Variants in ITGAV observed in about 807,000 individuals in gnomAD.
ITGAV encodes the protein integrin subunit alpha V, also known as integrin alpha-V.
ITGAV carries 76 observed loss-of-function variants against 143.8 expected under a neutral mutation model. That is an observed-to-expected ratio of 0.53 (90% CI 0.44 to 0.64). The LOEUF (loss-of-function observed/expected upper bound fraction) is 0.64. Ranked by LOEUF, ITGAV falls within the 30% of genes least tolerant of loss-of-function variation. The probability of loss-of-function intolerance (pLI) is 0.00; values close to 1 mark genes in which losing one functional copy is unlikely to be tolerated. For synonymous variants in ITGAV, 453 were observed against 446.7 expected (o/e 1.01, Z -0.18); for missense variants, 1,193 against 1,274.7 (o/e 0.94, Z 0.98).
At chr2:186,614,806 T>C (rs1032058934) in intron 2 of ITGAV, among the ~76,000 whole-genome samples, 1 of 152,050 alleles carries the variant, frequency 6.6e-6, no homozygotes, top group African/African-American at 2.4e-5. Context: ...TTCTGTTCAA[T>C]GCTACAGCTA....
chr2:186,617,571 C>G (rs111743790), intron 2 of ITGAV, among the ~76,000 whole-genome samples: 3,936 of 152,234 alleles, frequency 0.026, 183 homozygotes, highest in African/African-American at 0.09. Context: ...TCAAGTTTCT[C>G]TAGCAAAGTT....
At chr2:186,608,802 T>C (rs1687137082) in intron 2 of ITGAV, among the ~76,000 whole-genome samples, 1 of 152,214 alleles carries the variant, frequency 6.6e-6, no homozygotes, top group South Asian at 2.1e-4. Context: ...AAATAGACTC[T>C]AGCTAAATTT....
chr2:186,666,792 A>G lies in ITGAV; in HGVS notation c.2246+9A>G, dbSNP rs1251487380. 4.1e-6 allele frequency: 6 copies of G among 1,450,936 alleles called. No homozygotes were observed. The highest frequency in any genetic ancestry group is 3.8e-6 in the Non-Finnish European group (4 of 1,054,332). 89.9% of individuals were successfully genotyped at this position (1,450,936 alleles called of 1,614,324 possible). On this transcript the variant is annotated intron_variant, in intron 22 of 29. Coordinates refer to ENST00000261023, the MANE Select transcript of ITGAV (RefSeq NM_002210.5). Reference sequence around the variant, plus strand: ...GACTTACAAATCCAAAGGTATGAAAACAACTTATATTCACTTATAACTATC... The same window carrying G: ...GACTTACAAATCCAAAGGTATGAAAGCAACTTATATTCACTTATAACTATC...
chr2:186,629,067 C>T (rs1687751026), intron 4 of ITGAV, among the ~76,000 whole-genome samples: 1 of 152,066 alleles, frequency 6.6e-6, no homozygotes, highest in African/African-American at 2.4e-5. Flanking sequence ...ATACCTGACT[C>T]AGAGTAAAGG....
chr2:186,668,623 A>G (rs1341988234), intron 24 of ITGAV, 139 bp from the exon 25 acceptor site: 3 of 686,072 alleles, frequency 4.4e-6, no homozygotes, highest in Middle Eastern at 2.5e-4. Flanking sequence ...AAATGGTCAC[A>G]TTGTAATTAG....
chr2:186,650,945 A>C (rs1482574589), intron 14 of ITGAV, among the ~76,000 whole-genome samples: 2 of 152,342 alleles, frequency 1.3e-5, no homozygotes, highest in South Asian at 2.1e-4. Flanking sequence ...AAGAAGCAGG[A>C]AATTAACCTC....
chr2:186,634,586 G>A (rs1687902969), intron 6 of ITGAV, among the ~76,000 whole-genome samples: 1 of 152,070 alleles, frequency 6.6e-6, no homozygotes. Context: ...GAAAGGGAAG[G>A]CAAAGGAGGG....
At chr2:186,611,016 C>G (rs1248358785) in intron 2 of ITGAV, among the ~76,000 whole-genome samples, 2 of 152,118 alleles carry the variant, frequency 1.3e-5, no homozygotes, top group Admixed American at 6.6e-5. Context: ...AATGGATTCA[C>G]TGGGCCAAAT....
In ITGAV at chr2:186,677,758, T is replaced by C. The variant is rs1200376433; in HGVS notation, c.*466T>C. The stretch of plus-strand genomic sequence containing the variant: ...TACATATTACACTACAGTTTACTTT[T>C]CAGAATACTAAAGACTTTATAACTG... On this transcript the variant is annotated 3_prime_UTR_variant, in exon 30 of 30. Coordinates refer to ENST00000261023, the MANE Select transcript of ITGAV (RefSeq NM_002210.5). The C allele has an allele frequency of 6.5e-6, 1 of 154,104 alleles. No individual in the cohort carries two copies. The highest frequency in any genetic ancestry group is 1.4e-5 in the Non-Finnish European group (1 of 69,084). 9.5% of individuals were successfully genotyped at this position (154,104 alleles called of 1,614,324 possible). A position where few individuals can be genotyped will look rare whatever the true frequency, so the allele number is the denominator to read the frequency against.
intron 2 of ITGAV, among the ~76,000 whole-genome samples, chr2:186,615,707 C>T (rs1687336445): frequency 6.6e-6 from 1 of 151,104 alleles, no homozygotes; most frequent in Admixed American, 6.6e-5. Context: ...ATTTAGGATA[C>T]AAGTTTTTAA....
chr2:186,647,166 G>C (rs1024938552), intron 13 of ITGAV, among the ~76,000 whole-genome samples: 1 of 151,844 alleles, frequency 6.6e-6, no homozygotes, highest in African/African-American at 2.4e-5. Flanking sequence ...CTCATTCTAA[G>C]CTGTTTTAAT....
chr2:186,595,904 C>G (rs996152369), intron 1 of ITGAV, among the ~76,000 whole-genome samples: 4 of 152,186 alleles, frequency 2.6e-5, no homozygotes, highest in African/African-American at 4.8e-5. Context: ...TTTAAGCTGG[C>G]TTTTCTACCC....
At chr2:186,616,570 G>C (rs1042489251) in intron 2 of ITGAV, among the ~76,000 whole-genome samples, 1 of 152,086 alleles carries the variant, frequency 6.6e-6, no homozygotes, top group Non-Finnish European at 1.5e-5. Context: ...GAGCCACCGC[G>C]CCCGGCCGAT....
chr2:186,640,425 G>T (rs1217209176), intron 10 of ITGAV, among the ~76,000 whole-genome samples: 1 of 152,108 alleles, frequency 6.6e-6, no homozygotes, highest in Non-Finnish European at 1.5e-5. Flanking sequence ...AGTAGTAGTA[G>T]TTACACATAG....
chr2:186,609,229 A>G (rs1299439026), intron 2 of ITGAV, among the ~76,000 whole-genome samples: 1 of 152,172 alleles, frequency 6.6e-6, no homozygotes, highest in African/African-American at 2.4e-5. Context: ...CTGTTGGGCT[A>G]ATTAGTAATT....
intron 12 of ITGAV, among the ~76,000 whole-genome samples, chr2:186,642,871 T>A (rs1226721769): frequency 6.6e-6 from 1 of 152,128 alleles, no homozygotes; most frequent in Non-Finnish European, 1.5e-5. Context: ...TACTCAGAGG[T>A]ACATCTGCTA....
chr2:186,671,800 G>A (rs1443647939), intron 26 of ITGAV, among the ~76,000 whole-genome samples: 3 of 151,964 alleles, frequency 2.0e-5, no homozygotes, highest in Non-Finnish European at 4.4e-5. Flanking sequence ...ACCAGCCCCT[G>A]GTGACCACTA....
chr2:186,646,163 G>T (rs568705359), intron 12 of ITGAV, among the ~76,000 whole-genome samples: 1 of 152,258 alleles, frequency 6.6e-6, no homozygotes, highest in East Asian at 1.9e-4. Context: ...TTCTTTCAGT[G>T]TAAGTTGAGC....
At chr2:186,645,746 T>TC (rs1219224040) in intron 12 of ITGAV, among the ~76,000 whole-genome samples, 1 of 151,922 alleles carries the variant, frequency 6.6e-6, no homozygotes, top group East Asian at 1.9e-4. Flanking sequence ...GGTGTGTGGA[T>TC]CACGAGGTCA....
Sources: allele counts gnomAD v4.1 joint callset (sites outside exome capture counted in the v4.1 genomes callset), GRCh38; gene constraint gnomAD v4.1.1; transcripts MANE v1.5; gene names NCBI Gene and HGNC (gene_info 2026-07-23, HGNC 2026-07-21).